The following SASH3 variants were observed in gnomAD, a reference collection of about 807,000 sequenced individuals.
SASH3 encodes the protein SAM and SH3 domain-containing protein 3.
A neutral mutation model predicts 26.1 loss-of-function variants in SASH3; 7 were observed. That is an observed-to-expected ratio of 0.27 (90% CI 0.15 to 0.50). The LOEUF (loss-of-function observed/expected upper bound fraction) is 0.50, where lower values mean the gene tolerates loss of function less well. Among genes scored for constraint, SASH3 ranks in the 20% least tolerant of loss-of-function variants. SASH3 has a pLI of 0.98. For synonymous variants in SASH3, 138 were observed against 136.8 expected, an observed-to-expected ratio of 1.01 and a Z score of -0.06; for missense variants, 231 against 318.3, an observed-to-expected ratio of 0.73 and a Z score of 2.09.
chrX:129,790,869 A>C, intron 3 of SASH3, 71 bp from the exon 4 acceptor site: 1 of 1,126,752 alleles, frequency 8.9e-7, no homozygotes, highest in Non-Finnish European at 1.2e-6. Flanking sequence ...CACTAAGCCC[A>C]GGCCCATTTC....
At chrX:129,784,990 T>C (rs1453905783) in intron 1 of SASH3, among the ~76,000 whole-genome samples, 1 of 109,742 alleles carries the variant, frequency 9.1e-6, no homozygotes, top group East Asian at 2.8e-4. Flanking sequence ...AAATGTAATA[T>C]ACAATACAAT....
intron 1 of SASH3, among the ~76,000 whole-genome samples, chrX:129,783,785 A>G (rs1437602627): frequency 9.0e-6 from 1 of 111,239 alleles, no homozygotes. Flanking sequence ...CAGAGGGGGT[A>G]GCTCAGGAGA....
chrX:129,780,178 C>G (rs765755235), intron 1 of SASH3, 24 bp downstream of exon 1: 2 of 1,180,023 alleles, frequency 1.7e-6, no homozygotes, highest in South Asian at 3.6e-5. Context: ...TGGGAACTCA[C>G]ATCTTCCTTT....
Position 129,789,149 on chromosome X carries a change from GAAAGAAAGAAAGAAAGAGAA to G in SASH3, c.300+576_300+595del, listed in dbSNP as rs1569312653. On this transcript the variant is annotated intron_variant, in intron 3 of 7. Transcript: ENST00000356892. ...AGAAAGAAAGAAAGAAAGAAAGAAA[GAAAGAAAGAAAGAAAGAGAA>G]AAAAAAAAAAAAGAAAAGTCTGGGC... Among the ~76,000 whole-genome samples, 245 of 61,174 alleles carry G rather than the reference GAAAGAAAGAAAGAAAGAGAA, an allele frequency of 4.0e-3. 2 individuals are homozygous for G. Among genetic ancestry groups the G allele is most frequent in the South Asian group, 0.028 (26 of 944 alleles). The allele number at this position is 61,174 out of a possible 115,157, so 53.1% of individuals were successfully genotyped here. A position where few individuals can be genotyped will look rare whatever the true frequency, so the allele number is the denominator to read the frequency against.
At position 129,793,207 on chromosome X, in the gene SASH3, C is replaced by T. The variant is rs1486464446; in HGVS notation, c.952+68C>T. 5 of 1,145,836 alleles carry T rather than the reference C, an allele frequency of 4.4e-6. No individual in the cohort carries two copies. In the African/African-American group the frequency reaches 8.9e-5, roughly 20 times the overall value. The allele number at this position is 1,145,836 out of a possible 1,213,427, so 94.4% of individuals were successfully genotyped here. On this transcript the variant is annotated intron_variant, in intron 7 of 7. Coordinates refer to ENST00000356892, the MANE Select transcript of SASH3 (RefSeq NM_018990.4). ...CGGCATTCCAGGGAGGGGAGGCTTG[C>T]CCTGGCCTTGCCTTCTGTCCACGCT...
intron 3 of SASH3, 123 bp from the exon 4 acceptor site, chrX:129,790,817 T>C (rs1927215569): frequency 2.7e-6 from 2 of 738,020 alleles, no homozygotes; most frequent in African/African-American, 4.3e-5. Flanking sequence ...CCATTCAGCC[T>C]ATAAGTGGTA....
At chrX:129,791,616 G>T (rs116821473) in intron 4 of SASH3, among the ~76,000 whole-genome samples, 3,954 of 112,114 alleles carry the variant, frequency 0.035, 179 homozygotes, top group African/African-American at 0.12. Context: ...CAGGACAAGA[G>T]GTGCCAGCAG....
At chrX:129,782,861 G>A (rs1265646847) in intron 1 of SASH3, among the ~76,000 whole-genome samples, 2 of 111,822 alleles carry the variant, frequency 1.8e-5, no homozygotes, top group Non-Finnish European at 3.8e-5. Flanking sequence ...GAGGCCCCAG[G>A]GTTGGGAGAC....
intron 1 of SASH3, among the ~76,000 whole-genome samples, chrX:129,785,802 A>G (rs1287576477): frequency 8.9e-6 from 1 of 111,760 alleles, no homozygotes; most frequent in Non-Finnish European, 1.9e-5. Context: ...GAAGGCCACA[A>G]TAGGCCCCAT....
rs1452744185 is a variant in SASH3 at position 129,793,118 on chromosome X, G to A, written c.931G>A (p.Glu311Lys). 9 of 1,211,825 alleles carry A rather than the reference G, an allele frequency of 7.4e-6. No individual in the cohort carries two copies. Among genetic ancestry groups the A allele is most frequent in the Non-Finnish European group, 1.0e-5 (9 of 895,547 alleles). ...QHRAKLLTAAELLLDYDTGSE... is the reference protein window; with the variant it reads ...QHRAKLLTAAKLLLDYDTGSE... Reference sequence around the variant, plus strand: ...CCGGGCCAAGCTGCTCACGGCCGCCGAGCTGCTGCTGGACTATGACAGTGA... The same window carrying A: ...CCGGGCCAAGCTGCTCACGGCCGCCAAGCTGCTGCTGGACTATGACAGTGA... Residue 311 changes from glutamate (E) to lysine (K), a missense_variant, in exon 7 of 8, where the codon GAG becomes AAG. By Grantham distance (56) the Glu-to-Lys change is moderately conservative. Coordinates refer to ENST00000356892, the MANE Select transcript of SASH3 (RefSeq NM_018990.4).
intron 1 of SASH3, among the ~76,000 whole-genome samples, chrX:129,787,628 C>G (rs1373950189): frequency 8.9e-6 from 1 of 111,861 alleles, no homozygotes; most frequent in Non-Finnish European, 1.9e-5. Flanking sequence ...AGGTATGTCT[C>G]TAGTAGTAGA....
At chrX:129,792,185 G>T (rs1224527995) in intron 4 of SASH3, 143 bp from the exon 5 acceptor site, 4 of 634,528 alleles carry the variant, frequency 6.3e-6, no homozygotes, top group East Asian at 6.9e-5. Flanking sequence ...CCCTTCTGCA[G>T]TGTAAAGCTT....
chrX:129,789,168 A>AG (rs201702658), intron 3 of SASH3, among the ~76,000 whole-genome samples: 142 of 52,277 alleles, frequency 2.7e-3, no homozygotes, highest in African/African-American at 9.9e-3. Flanking sequence ...AAAGAAAGAG[A>AG]AAAAAAAAAA....
Position 129,793,708 on chromosome X carries a change from A to G in SASH3, c.1019A>G (p.Glu340Gly). 8.2e-7 allele frequency: 1 copy of G among 1,212,162 alleles called. No homozygotes were observed. The highest frequency in any genetic ancestry group is 1.1e-6 in the Non-Finnish European group (1 of 895,528). Reference sequence around the variant, plus strand: ...GAGCCAGTGGCACACACAGTGTCGGAACCCAAGGTGGACATCCCGCGCGAC... The same window carrying G: ...GAGCCAGTGGCACACACAGTGTCGGGACCCAAGGTGGACATCCCGCGCGAC... ...SQEPVAHTVS[E>G]PKVDIPRDSG... Residue 340 changes from glutamate (E) to glycine (G), a missense_variant, in exon 8 of 8, where the codon GAA becomes GGA. By Grantham distance (98) the Glu-to-Gly change is moderately conservative. Coordinates refer to ENST00000356892, the MANE Select transcript of SASH3 (RefSeq NM_018990.4).
chrX:129,790,002 G>A lies in SASH3; in HGVS notation c.301-938G>A, dbSNP rs767246592. On this transcript the variant is annotated intron_variant, in intron 3 of 7. Transcript: ENST00000356892. ...TATAATCCCAGCTACTCAGGAGGAC[G>A]AGGCAAGATGATTGCTTGAGCCCAG... Among the ~76,000 whole-genome samples, 8 of 112,309 alleles carry A rather than the reference G, an allele frequency of 7.1e-5. No homozygotes were observed. The East Asian group carries it at 2.2e-3, about 31-fold the overall frequency.
intron 1 of SASH3, among the ~76,000 whole-genome samples, chrX:129,784,702 G>A (rs192534274): frequency 9.0e-6 from 1 of 111,438 alleles, no homozygotes; most frequent in East Asian, 2.8e-4. Context: ...AGAGAGGTTC[G>A]ATAACTTGCC....
At position 129,793,631 on chromosome X, in the gene SASH3, G is replaced by A. The variant is rs375646912; in HGVS notation, c.953-11G>A. On this transcript the variant is annotated splice_polypyrimidine_tract_variant and intron_variant, in intron 7 of 7. Coordinates refer to ENST00000356892, the MANE Select transcript of SASH3 (RefSeq NM_018990.4). ...CCCCCATATTCTGTCTCCCTCTCTCGTCCCTGGCAGCTGGCAGTGAGGAGG... is the reference window on the plus strand; with the variant it reads ...CCCCCATATTCTGTCTCCCTCTCTCATCCCTGGCAGCTGGCAGTGAGGAGG... 2.2e-5 allele frequency: 27 copies of A among 1,207,753 alleles called. No individual in the cohort carries two copies. Among genetic ancestry groups the A allele is most frequent in the Non-Finnish European group, 2.7e-5 (24 of 893,064 alleles).
intron 2 of SASH3, 130 bp from the exon 3 acceptor site, chrX:129,788,301 G>A: frequency 3.1e-6 from 2 of 653,434 alleles, no homozygotes; most frequent in Non-Finnish European, 4.8e-6. Context: ...GGGTTAAGAG[G>A]GGAGGGGATG....
intron 4 of SASH3, among the ~76,000 whole-genome samples, chrX:129,791,386 G>A (rs941599179): frequency 1.8e-5 from 2 of 111,985 alleles, no homozygotes; most frequent in African/African-American, 3.3e-5. Flanking sequence ...CTCAGGCCCC[G>A]GAGAGGCCCA....
Sources: gnomAD v4.1 joint callset for allele counts (sites outside exome capture counted in the v4.1 genomes callset) on GRCh38, gnomAD v4.1.1 for gene constraint, MANE v1.5 for transcripts, NCBI Gene and HGNC (gene_info 2026-07-23, HGNC 2026-07-21) for gene names.